DLG2: variants seen among roughly 807,000 people sequenced by gnomAD.
DLG2 encodes the protein discs large MAGUK scaffold protein 2.
In DLG2, 45 loss-of-function variants were observed where a neutral mutation model predicts 132.5. That is an observed-to-expected ratio of 0.34 (90% CI 0.27 to 0.44). The LOEUF (loss-of-function observed/expected upper bound fraction) is 0.44, where lower values mean the gene tolerates loss of function less well. Ranked by LOEUF, DLG2 falls within the 20% of genes least tolerant of loss-of-function variation. The pLI, the probability that DLG2 is intolerant of heterozygous loss-of-function variation, is 1.00. For synonymous variants in DLG2, 424 were observed against 419.6 expected (o/e 1.01, Z -0.13); for missense variants, 1,045 against 1,196.9 (o/e 0.87, Z 1.87).
At chr11:84,259,882 T>C (rs1048901117) in intron 7 of DLG2, among the ~76,000 whole-genome samples, 7 of 152,204 alleles carry the variant, frequency 4.6e-5, no homozygotes, top group Admixed American at 4.6e-4. Context: ...GGCTCCAAAG[T>C]GGATAAATCC....
At chr11:84,818,028 AAT>A (rs1474126529) in intron 6 of DLG2, among the ~76,000 whole-genome samples, 3 of 152,004 alleles carry the variant, frequency 2.0e-5, no homozygotes, top group African/African-American at 7.2e-5. Flanking sequence ...ACAGATGATG[AAT>A]ATATGAAAAA....
intron 6 of DLG2, among the ~76,000 whole-genome samples, chr11:84,770,435 A>AT (rs150751203): frequency 0.025 from 3,839 of 151,864 alleles, 132 homozygotes; most frequent in African/African-American, 0.08. Context: ...TCCAATGGAT[A>AT]TTTTTTCTGC....
chr11:84,612,550 T>C (rs1027764823), intron 6 of DLG2, among the ~76,000 whole-genome samples: 3 of 152,224 alleles, frequency 2.0e-5, no homozygotes, highest in East Asian at 1.9e-4. Context: ...AAATGTAAGA[T>C]TTAAACATAG....
chr11:85,337,123 TTAAG>T (rs1315488834), intron 3 of DLG2, among the ~76,000 whole-genome samples: 2 of 152,258 alleles, frequency 1.3e-5, no homozygotes, highest in Non-Finnish European at 2.9e-5. Flanking sequence ...GCTAGGACAC[TTAAG>T]TAATAATATG....
chr11:85,445,497 G>C (rs781160299), intron 3 of DLG2, among the ~76,000 whole-genome samples: 1 of 152,136 alleles, frequency 6.6e-6, no homozygotes, highest in Non-Finnish European at 1.5e-5. Flanking sequence ...GGTCAACATG[G>C]TGAAACCCCG....
intron 8 of DLG2, among the ~76,000 whole-genome samples, chr11:84,166,514 A>G (rs918499857): frequency 1.3e-5 from 2 of 149,452 alleles, no homozygotes; most frequent in African/African-American, 2.5e-5. Context: ...AAAAAAAAAA[A>G]AAAAAAGAAA....
intron 15 of DLG2, among the ~76,000 whole-genome samples, chr11:83,887,545 T>A (rs962350646): frequency 6.6e-6 from 1 of 151,998 alleles, no homozygotes; most frequent in Non-Finnish European, 1.5e-5. Context: ...TACCATTCCT[T>A]GTGAAACTAT....
chr11:84,492,916 A>G (rs911895863), intron 7 of DLG2, among the ~76,000 whole-genome samples: 1 of 152,158 alleles, frequency 6.6e-6, no homozygotes, highest in African/African-American at 2.4e-5. Flanking sequence ...TTTTAAAGGC[A>G]TGCTTATATA....
intron 6 of DLG2, among the ~76,000 whole-genome samples, chr11:84,944,021 TAGG>T: frequency 6.6e-6 from 1 of 152,196 alleles, no homozygotes; most frequent in African/African-American, 2.4e-5. Context: ...TATATTATTC[TAGG>T]ATAAAAAGCC....
chr11:85,515,980 A>G (rs535191317), intron 3 of DLG2, among the ~76,000 whole-genome samples: 6 of 152,188 alleles, frequency 3.9e-5, no homozygotes, highest in Admixed American at 1.3e-4. Context: ...GCACTAAAAA[A>G]TTCTGTAATT....
intron 3 of DLG2, among the ~76,000 whole-genome samples, chr11:85,447,495 A>C (rs2092063250): frequency 6.6e-6 from 1 of 152,180 alleles, no homozygotes. Context: ...TGACAATACA[A>C]GGGGAAGATA....
At chr11:84,314,520 T>C (rs560056799) in intron 7 of DLG2, among the ~76,000 whole-genome samples, 3 of 151,964 alleles carry the variant, frequency 2.0e-5, no homozygotes, top group Non-Finnish European at 4.4e-5. Flanking sequence ...CATATATAAA[T>C]GGAAACAGAT....
intron 2 of DLG2, among the ~76,000 whole-genome samples, chr11:85,609,199 T>G (rs2080810428): frequency 6.6e-6 from 1 of 152,152 alleles, no homozygotes; most frequent in Non-Finnish European, 1.5e-5. Context: ...ACGGGAGGCC[T>G]TAAGAAAATA....
At chr11:83,786,668 A>T in intron 18 of DLG2, 22 bp downstream of exon 18, 1 of 1,584,070 alleles carries the variant, frequency 6.3e-7, no homozygotes, top group East Asian at 2.2e-5. Flanking sequence ...TCAGAACATT[A>T]TTAGTTTGAG....
chr11:84,002,418 C>CA (rs1742577485), intron 11 of DLG2, among the ~76,000 whole-genome samples: 1 of 152,180 alleles, frequency 6.6e-6, no homozygotes, highest in Non-Finnish European at 1.5e-5. Flanking sequence ...ATAGGTTCTC[C>CA]ATGAGGGCTC....
chr11:84,566,378 A>G (rs1025332780), intron 6 of DLG2, among the ~76,000 whole-genome samples: 16 of 152,224 alleles, frequency 1.1e-4, no homozygotes, highest in African/African-American at 3.9e-4. Flanking sequence ...ATCAAATAGC[A>G]GAAACTCATT....
intron 17 of DLG2, among the ~76,000 whole-genome samples, chr11:83,800,750 T>C (rs1457368021): frequency 6.6e-6 from 1 of 152,110 alleles, no homozygotes; most frequent in Non-Finnish European, 1.5e-5. Context: ...TAAATGAAAA[T>C]AATAAAGTAT....
chr11:84,031,880 T>G (rs1056345069), intron 11 of DLG2, among the ~76,000 whole-genome samples: 1 of 152,204 alleles, frequency 6.6e-6, no homozygotes, highest in African/African-American at 2.4e-5. Context: ...GTCACATTTT[T>G]TTTGGTAATT....
chr11:85,296,467 C>CTTTT (rs66526147), intron 3 of DLG2, among the ~76,000 whole-genome samples: 1 of 121,554 alleles, frequency 8.2e-6, no homozygotes, highest in African/African-American at 3.1e-5. Context: ...TTTCGATTTT[C>CTTTT]TTTTTTTTTT....
Sources: allele counts gnomAD v4.1 joint callset (sites outside exome capture counted in the v4.1 genomes callset), GRCh38; gene constraint gnomAD v4.1.1; transcripts MANE v1.5; gene names NCBI Gene and HGNC (gene_info 2026-07-23, HGNC 2026-07-21).